The following NCAM1 variants were observed in gnomAD, a reference collection of about 807,000 sequenced individuals.
The protein encoded by NCAM1 is neural cell adhesion molecule 1, also known as antigen recognized by monoclonal antibody 5.1H11.
Under a neutral mutation model 109.8 loss-of-function variants are expected in NCAM1, and 14 were observed. That is an observed-to-expected ratio of 0.13 (90% CI 0.08 to 0.20). The LOEUF is 0.20. NCAM1 is among the 10% of genes least tolerant of loss of function. NCAM1 has a pLI of 1.00. For synonymous variants in NCAM1, 418 were observed against 442.9 expected (o/e 0.94, Z 0.70); for missense variants, 774 against 1,109.9 (o/e 0.70, Z 4.30).
At chr11:113,216,523 A>G (rs1944538700) in intron 8 of NCAM1, among the ~76,000 whole-genome samples, 2 of 152,218 alleles carry the variant, frequency 1.3e-5, no homozygotes, top group Admixed American at 6.5e-5. Flanking sequence ...ATATGGAGAC[A>G]GGTGTCCAGC....
At chr11:113,220,600 C>CTTGTTTTTTTTTTTTTTT (rs1336984958) in intron 8 of NCAM1, among the ~76,000 whole-genome samples, 1 of 102,376 alleles carries the variant, frequency 9.8e-6, no homozygotes, top group East Asian at 3.2e-4. Context: ...CTCTCTCTCT[C>CTTGTTTTTTTTTTTTTTT]TCTTTTTTTT....
At chr11:113,270,069 G>A (rs1412273407) in intron 17 of NCAM1, 119 bp from the exon 18 acceptor site, 3 of 931,140 alleles carry the variant, frequency 3.2e-6, no homozygotes, top group African/African-American at 3.2e-5. Context: ...GTCACTCTGG[G>A]CATGAATGCC....
At chr11:113,163,296 A>G (rs1394123221) in intron 1 of NCAM1, among the ~76,000 whole-genome samples, 6 of 152,140 alleles carry the variant, frequency 3.9e-5, no homozygotes, top group African/African-American at 1.2e-4. Flanking sequence ...AAAAGTCTGG[A>G]AAAAAAACCA....
intron 1 of NCAM1, among the ~76,000 whole-genome samples, chr11:113,071,421 A>ATTTT (rs66821824): frequency 7.8e-6 from 1 of 127,672 alleles, no homozygotes; most frequent in Non-Finnish European, 1.6e-5. Context: ...TGTTGGTTGG[A>ATTTT]TTTTTTTTTT....
chr11:113,061,687 A>G (rs1364212099), intron 1 of NCAM1, among the ~76,000 whole-genome samples: 1 of 152,248 alleles, frequency 6.6e-6, no homozygotes, highest in African/African-American at 2.4e-5. Flanking sequence ...TGTGTAAAAC[A>G]AATGAAATGC....
At chr11:112,985,418 T>C (rs1448659051) in intron 1 of NCAM1, among the ~76,000 whole-genome samples, 2 of 151,942 alleles carry the variant, frequency 1.3e-5, no homozygotes, top group Non-Finnish European at 2.9e-5. Context: ...TTTTTTCTTA[T>C]TTTTGTAGAA....
At chr11:113,218,286 T>C (rs1555114683) in intron 8 of NCAM1, among the ~76,000 whole-genome samples, 1 of 152,214 alleles carries the variant, frequency 6.6e-6, no homozygotes, top group Admixed American at 6.5e-5. Context: ...ACTGCCACAA[T>C]GGCTTCCTTC....
intron 1 of NCAM1, among the ~76,000 whole-genome samples, chr11:112,975,548 A>AT (rs1431039742): frequency 6.6e-6 from 1 of 151,908 alleles, no homozygotes; most frequent in Non-Finnish European, 1.5e-5. Flanking sequence ...TTTTCTCAGC[A>AT]TTTTTTTCCT....
Position 113,242,888 on chromosome 11 carries a change from G to T in NCAM1, c.1826-3480G>T, listed in dbSNP as rs782716813. ...GTTGCTCTCGGCCAGACCTCTGATC[G>T]CTTGTTGTAGAGCCGACTTCTAGAT... On this transcript the variant is annotated intron_variant, in intron 14 of 19. Coordinates refer to ENST00000316851, the MANE Select transcript of NCAM1 (RefSeq NM_181351.5). The T allele has an allele frequency of 5.0e-5, 80 of 1,613,222 alleles. 2 individuals are homozygous for T. The South Asian group carries it at 8.1e-4, about 16-fold the overall frequency.
At chr11:113,272,823 G>A in intron 19 of NCAM1, 1 of 426,444 alleles carries the variant, frequency 2.3e-6, no homozygotes, top group South Asian at 1.7e-5. Context: ...GTGCCTAACT[G>A]CATGCCCCCA....
intron 1 of NCAM1, among the ~76,000 whole-genome samples, chr11:113,019,821 A>T (rs1555075924): frequency 6.6e-6 from 1 of 152,220 alleles, no homozygotes; most frequent in East Asian, 1.9e-4. Context: ...AATATACCAC[A>T]TGAGTTCTCT....
At chr11:113,187,920 A>T (rs1943562319) in intron 1 of NCAM1, among the ~76,000 whole-genome samples, 1 of 152,222 alleles carries the variant, frequency 6.6e-6, no homozygotes, top group African/African-American at 2.4e-5. Context: ...TTAAAGGCCA[A>T]ATAGTGTTGC....
chr11:113,259,293 C>T (rs1485424569), intron 16 of NCAM1, among the ~76,000 whole-genome samples: 2 of 151,940 alleles, frequency 1.3e-5, no homozygotes, highest in East Asian at 1.9e-4. Context: ...CCTCGTGATC[C>T]GCCCGCCTCG....
In NCAM1 at chr11:113,239,444, A is replaced by G. The variant is rs566005979; in HGVS notation, c.1825+4280A>G. 1.2e-3 allele frequency among the ~76,000 whole-genome samples: 186 copies of G among 151,098 alleles called. 1 individual carries two copies. The highest frequency in any genetic ancestry group is 1.5e-3 in the Non-Finnish European group (101 of 67,896). Reference sequence around the variant, plus strand: ...TTACCTCTTAATTTGCTTCTGTACCATGAAGCAAAATAGATTATTTCTTTT... The same window carrying G: ...TTACCTCTTAATTTGCTTCTGTACCGTGAAGCAAAATAGATTATTTCTTTT... On this transcript the variant is annotated intron_variant, in intron 14 of 19. Coordinates refer to ENST00000316851, the MANE Select transcript of NCAM1 (RefSeq NM_181351.5).
At chr11:113,113,168 C>G (rs879987281) in intron 1 of NCAM1, among the ~76,000 whole-genome samples, 1 of 152,148 alleles carries the variant, frequency 6.6e-6, no homozygotes, top group Non-Finnish European at 1.5e-5. Context: ...TGCATGAGTC[C>G]AATTAGCTAC....
intron 1 of NCAM1, among the ~76,000 whole-genome samples, chr11:113,038,441 GGACTT>G (rs1952962620): frequency 6.6e-6 from 1 of 152,144 alleles, no homozygotes; most frequent in African/African-American, 2.4e-5. Context: ...TCTTTAGTCC[GGACTT>G]GACTTGGTCT....
At chr11:112,987,692 A>T (rs1951344742) in intron 1 of NCAM1, among the ~76,000 whole-genome samples, 1 of 151,764 alleles carries the variant, frequency 6.6e-6, no homozygotes, top group African/African-American at 2.4e-5. Flanking sequence ...ATTTTGTCTG[A>T]TGTTAATATA....
At chr11:112,967,399 G>A (rs1467138826) in intron 1 of NCAM1, among the ~76,000 whole-genome samples, 1 of 152,206 alleles carries the variant, frequency 6.6e-6, no homozygotes, top group African/African-American at 2.4e-5. Flanking sequence ...AATTTCTGCT[G>A]TCAGGGAACC....
At chr11:113,131,622 G>C (rs1260462700) in intron 1 of NCAM1, among the ~76,000 whole-genome samples, 1 of 152,158 alleles carries the variant, frequency 6.6e-6, no homozygotes, top group Non-Finnish European at 1.5e-5. Flanking sequence ...TTGATGTCTC[G>C]TGCTCAGAAA....
Sources: allele counts gnomAD v4.1 joint callset (sites outside exome capture counted in the v4.1 genomes callset), GRCh38; gene constraint gnomAD v4.1.1; transcripts MANE v1.5; gene names NCBI Gene and HGNC (gene_info 2026-07-23, HGNC 2026-07-21).